Variants in INVS observed in about 807,000 individuals in gnomAD.
INVS encodes inversin.
A neutral mutation model predicts 108.8 loss-of-function variants in INVS; 86 were observed. The ratio of observed to expected loss-of-function variants is 0.79; its 90% CI spans 0.66 to 0.95. The LOEUF is 0.95. Ranked by LOEUF, INVS falls within the 40% of genes least tolerant of loss-of-function variation. The probability of loss-of-function intolerance (pLI) is 0.00; values close to 1 mark genes in which losing one functional copy is unlikely to be tolerated. For synonymous variants in INVS, 455 were observed against 473.5 expected, an observed-to-expected ratio of 0.96 and a Z score of 0.51; for missense variants, 1,169 against 1,297.4, an observed-to-expected ratio of 0.90 and a Z score of 1.52.
Position 100,188,635 on chromosome 9 carries a change from C to CT in INVS, c.274-37411dup, listed in dbSNP as rs11309021. The stretch of plus-strand genomic sequence containing the variant: ...AGGGCTATTGGTCTGTAGTTTCTTT[C>CT]TTTTTTTTTTTTTTTTGTCCGTTAG... On this transcript the variant is annotated intron_variant, in intron 3 of 16. Transcript: ENST00000262457. Among the ~76,000 whole-genome samples the CT allele has an allele frequency of 5.4e-3, 693 of 128,216 alleles. 6 individuals carry two copies. Among genetic ancestry groups the CT allele is most frequent in the East Asian group, 8.5e-3 (36 of 4,250 alleles). The allele number at this position is 128,216 out of a possible 152,430, so 84.1% of individuals were successfully genotyped here.
intron 3 of INVS, among the ~76,000 whole-genome samples, chr9:100,193,818 T>C (rs557698828): frequency 1.3e-5 from 2 of 152,328 alleles, no homozygotes; most frequent in African/African-American, 4.8e-5. Context: ...TATGGATATA[T>C]TACAAATTGT....
intron 13 of INVS, among the ~76,000 whole-genome samples, chr9:100,290,143 T>C (rs1161093450): frequency 1.1e-4 from 16 of 152,006 alleles, no homozygotes; most frequent in Admixed American, 1.0e-3. Flanking sequence ...TTGTAACAGC[T>C]CTAAGAGTCA....
At chr9:100,118,028 C>G (rs1229359400) in intron 2 of INVS, among the ~76,000 whole-genome samples, 1 of 151,812 alleles carries the variant, frequency 6.6e-6, no homozygotes, top group African/African-American at 2.4e-5. Flanking sequence ...AACTGCTAGG[C>G]ACAGGTGCAT....
chr9:100,279,463 T>A (rs750927186), intron 12 of INVS, among the ~76,000 whole-genome samples: 1 of 152,238 alleles, frequency 6.6e-6, no homozygotes, highest in Non-Finnish European at 1.5e-5. Context: ...CCACTGTTGA[T>A]CCCATTCGTT....
chr9:100,128,853 AAT>A (rs936699773), intron 3 of INVS, among the ~76,000 whole-genome samples: 3 of 152,228 alleles, frequency 2.0e-5, no homozygotes, highest in Non-Finnish European at 4.4e-5. Context: ...TTAGAGAAAC[AAT>A]ATAAAATAAC....
At chr9:100,265,157 G>T in intron 11 of INVS, among the ~76,000 whole-genome samples, 1 of 151,818 alleles carries the variant, frequency 6.6e-6, no homozygotes, top group East Asian at 1.9e-4. Flanking sequence ...GTTAGCTAGG[G>T]AGGTCTCGAA....
intron 5 of INVS, among the ~76,000 whole-genome samples, chr9:100,239,329 T>C (rs1459838190): frequency 6.6e-6 from 1 of 152,214 alleles, no homozygotes; most frequent in Non-Finnish European, 1.5e-5. Flanking sequence ...ATCCAAGGTA[T>C]AGTGTTGAGA....
chr9:100,100,825 A>AT lies in INVS; in HGVS notation c.-25+1410dup, dbSNP rs1826886325. 9.4e-5 allele frequency among the ~76,000 whole-genome samples: 4 copies of AT among 42,686 alleles called. 1 individual carries two copies. The highest frequency in any genetic ancestry group is 1.6e-3 in the East Asian group (1 of 614). The allele number at this position is 42,686 out of a possible 152,430, so 28.0% of individuals were successfully genotyped here. A position where few individuals can be genotyped will look rare whatever the true frequency, so the allele number is the denominator to read the frequency against. ...TATGTATATATAATATATATAATAT[A>AT]TGTATATATAATATATATATAATAT... On this transcript the variant is annotated intron_variant, in intron 1 of 16. Coordinates refer to ENST00000262457, the MANE Select transcript of INVS (RefSeq NM_014425.5).
chr9:100,265,005 C>T lies in INVS; in HGVS notation c.1571+77C>T, dbSNP rs140412842. ...TCACTCAGGTTGGGTTGCAGTGGCA[C>T]GATCTTGGCTCACTGCAACCTTCGC... On this transcript the variant is annotated intron_variant, in intron 11 of 16. Coordinates refer to ENST00000262457, the MANE Select transcript of INVS (RefSeq NM_014425.5). 85 of 944,138 alleles carry T rather than the reference C, an allele frequency of 9.0e-5. No individual in the cohort carries two copies. The East Asian group carries it at 1.9e-3, about 21-fold the overall frequency. The allele number at this position is 944,138 out of a possible 1,614,324, so 58.5% of individuals were successfully genotyped here.
At chr9:100,222,194 TAC>T (rs1831173250) in intron 3 of INVS, among the ~76,000 whole-genome samples, 1 of 152,228 alleles carries the variant, frequency 6.6e-6, no homozygotes, top group Admixed American at 6.5e-5. Context: ...TGTTGAATAC[TAC>T]ACACTGGAAA....
chr9:100,287,290 C>T (rs1025284252), intron 13 of INVS, among the ~76,000 whole-genome samples: 2 of 152,152 alleles, frequency 1.3e-5, no homozygotes, highest in African/African-American at 2.4e-5. Context: ...ATAAAAGCCA[C>T]AAGACCTCTT....
At chr9:100,170,032 G>A (rs1255366927) in intron 3 of INVS, among the ~76,000 whole-genome samples, 1 of 152,162 alleles carries the variant, frequency 6.6e-6, no homozygotes, top group East Asian at 1.9e-4. Context: ...TTACTCACTT[G>A]TGTAATCCAC....
intron 3 of INVS, among the ~76,000 whole-genome samples, chr9:100,219,436 C>G (rs563693142): frequency 6.6e-6 from 1 of 152,096 alleles, no homozygotes; most frequent in East Asian, 1.9e-4. Flanking sequence ...AGCAAGACCC[C>G]TTCTATTAAA....
chr9:100,171,993 T>C (rs1285021501), intron 3 of INVS, among the ~76,000 whole-genome samples: 1 of 152,062 alleles, frequency 6.6e-6, no homozygotes, highest in Non-Finnish European at 1.5e-5. Context: ...CTTACAGGAG[T>C]TAAATAAATT....
Position 100,292,337 on chromosome 9 carries a change from G to A in INVS, c.2080G>A (p.Glu694Lys), listed in dbSNP as rs749082790. Residue 694 changes from glutamate to lysine, a missense_variant, in exon 14 of 17, where the codon GAA (glutamate) becomes AAA (lysine). By Grantham distance (56) the Glu-to-Lys change is moderately conservative. Coordinates refer to ENST00000262457, the MANE Select transcript of INVS (RefSeq NM_014425.5). ...TTTGTTTCCTCAAGAAACAGCCAGAGAACATTCTAAAGGCCAATCTGCTTG... is the reference window on the plus strand; with the variant it reads ...TTTGTTTCCTCAAGAAACAGCCAGAAAACATTCTAAAGGCCAATCTGCTTG... ...NSRRPNETAREHSKGQSACVH... is the reference protein window; with the variant it reads ...NSRRPNETARKHSKGQSACVH... 2 of 1,614,078 alleles carry A rather than the reference G, an allele frequency of 1.2e-6. No individual in the cohort carries two copies. Among genetic ancestry groups the A allele is most frequent in the Non-Finnish European group, 8.5e-7 (1 of 1,179,962 alleles).
chr9:100,295,499 T>G (rs1833764770), intron 14 of INVS, among the ~76,000 whole-genome samples: 1 of 152,128 alleles, frequency 6.6e-6, no homozygotes. Flanking sequence ...GTCCTGCAAG[T>G]GTATCTGATA....
At chr9:100,201,574 C>A (rs1440552978) in intron 3 of INVS, among the ~76,000 whole-genome samples, 2 of 152,188 alleles carry the variant, frequency 1.3e-5, no homozygotes, top group Non-Finnish European at 2.9e-5. Flanking sequence ...TATCATTCTC[C>A]TTTCCATCTG....
Position 100,113,558 on chromosome 9 carries a change from T to TTTTGTTTG in INVS, c.106+8959_106+8966dup, listed in dbSNP as rs77147493. ...AACCCAGGCATTTATCTGGTGTCTT[T>TTTTGTTTG]TTTGTTTGTTTGTTTGTTTGTTTGT... is the stretch of plus-strand genomic sequence containing the variant. On this transcript the variant is annotated intron_variant, in intron 2 of 16. Coordinates refer to ENST00000262457, the MANE Select transcript of INVS (RefSeq NM_014425.5). 6.2e-4 allele frequency among the ~76,000 whole-genome samples: 94 copies of TTTTGTTTG among 152,030 alleles called. 1 individual carries two copies. Among genetic ancestry groups the TTTTGTTTG allele is most frequent in the Non-Finnish European group, 1.3e-3 (85 of 67,988 alleles).
chr9:100,236,435 A>C (rs1831689060), intron 5 of INVS, among the ~76,000 whole-genome samples: 1 of 152,196 alleles, frequency 6.6e-6, no homozygotes, highest in African/African-American at 2.4e-5. Context: ...GAGAAGAGGC[A>C]TTCTGGTTTT....
Sources: allele counts gnomAD v4.1 joint callset (sites outside exome capture counted in the v4.1 genomes callset), GRCh38; gene constraint gnomAD v4.1.1; transcripts MANE v1.5; gene names NCBI Gene and HGNC (gene_info 2026-07-23, HGNC 2026-07-21).